SEL1L3: variants seen among roughly 807,000 people sequenced by gnomAD.
The protein encoded by SEL1L3 is protein sel-1 homolog 3.
Under a neutral mutation model 142.8 loss-of-function variants are expected in SEL1L3, and 76 were observed. The ratio of observed to expected loss-of-function variants is 0.53; its 90% confidence interval spans 0.44 to 0.64. The LOEUF is 0.64. Ranked by LOEUF, SEL1L3 falls within the 30% of genes least tolerant of loss-of-function variation. SEL1L3 has a pLI of 0.00. For missense variants in SEL1L3, 1,262 were observed against 1,381.7 expected, an observed-to-expected ratio of 0.91 and a Z score of 1.37; for synonymous variants, 504 against 519.6, an observed-to-expected ratio of 0.97 and a Z score of 0.41.
chr4:25,838,951 T>A (rs1428343277), intron 2 of SEL1L3, among the ~76,000 whole-genome samples: 1 of 152,210 alleles, frequency 6.6e-6, no homozygotes, highest in Admixed American at 6.5e-5. Context: ...CCAGATGTGC[T>A]TCGAACACAC....
intron 23 of SEL1L3, chr4:25,756,234 G>C (rs1465092755): frequency 5.1e-6 from 5 of 985,160 alleles, no homozygotes; most frequent in Non-Finnish European, 6.0e-6. Context: ...CCCTTTTGTA[G>C]CCGTCCGAGA....
Position 25,772,832 on chromosome 4 carries a change from C to T in SEL1L3, c.2669+3445G>A, listed in dbSNP as rs547395794. The stretch of plus-strand genomic sequence containing the variant: ...ATTTTTTTTGAAAGGGAGTCTTGCT[C>T]TGTTGCCCAGGCTGGAATGCAGTGG... On this transcript the variant is annotated intron_variant, in intron 17 of 23. Coordinates refer to ENST00000399878, the MANE Select transcript of SEL1L3 (RefSeq NM_015187.5). Among the ~76,000 whole-genome samples, 5 of 152,150 alleles carry T rather than the reference C, an allele frequency of 3.3e-5. No individual in the cohort carries two copies. In the South Asian group the frequency reaches 8.3e-4, roughly 25 times the overall value.
intron 11 of SEL1L3, among the ~76,000 whole-genome samples, chr4:25,795,334 T>C (rs1712655633): frequency 6.6e-6 from 1 of 152,218 alleles, no homozygotes; most frequent in South Asian, 2.1e-4. Flanking sequence ...AAAGTGTAAA[T>C]GGCTAATTGC....
chr4:25,836,052 T>G lies in SEL1L3; in HGVS notation c.734-729A>C, dbSNP rs190214810. ...AGAATCCATACTCTTAAAATTGCAG[T>G]TTTTTTTCTTCTGTGCAAACTTTCC... is the stretch of plus-strand genomic sequence containing the variant. On this transcript the variant is annotated intron_variant, in intron 2 of 23. Transcript: ENST00000399878. Among the ~76,000 whole-genome samples, 197 of 152,040 alleles carry G rather than the reference T, an allele frequency of 1.3e-3. 1 individual carries two copies. The highest frequency in any genetic ancestry group is 4.8e-3 in the Admixed American group (73 of 15,268).
chr4:25,758,362 T>C (rs1020191820), intron 21 of SEL1L3, among the ~76,000 whole-genome samples: 3 of 152,072 alleles, frequency 2.0e-5, no homozygotes, highest in African/African-American at 4.8e-5. Context: ...TCCCAGCTAC[T>C]TAGGAGGCTG....
intron 23 of SEL1L3, 77 bp downstream of exon 23, chr4:25,757,457 C>CAAA (rs879068722): frequency 8.1e-5 from 33 of 408,780 alleles, no homozygotes; most frequent in African/African-American, 2.0e-4. Context: ...TCCAGTAGAC[C>CAAA]AAAAAAAAAA....
At chr4:25,858,349 A>G (rs1157836487) in intron 1 of SEL1L3, among the ~76,000 whole-genome samples, 4 of 152,188 alleles carry the variant, frequency 2.6e-5, no homozygotes, top group African/African-American at 9.7e-5. Flanking sequence ...CCTCTCCCTC[A>G]AGCTAGATAA....
chr4:25,765,534 T>C (rs780926680), intron 19 of SEL1L3, 99 bp from the exon 20 acceptor site: 11 of 746,908 alleles, frequency 1.5e-5, no homozygotes, highest in Non-Finnish European at 2.6e-5. Flanking sequence ...TTTTTCCTAT[T>C]AGTATCTGAA....
chr4:25,748,436 G>T lies in SEL1L3; in HGVS notation c.3388C>A (p.Pro1130Thr). 1 of 1,609,742 alleles carries T rather than the reference G, an allele frequency of 6.2e-7. No homozygotes were observed. The highest frequency in any genetic ancestry group is 8.5e-7 in the Non-Finnish European group (1 of 1,178,280). ...DQPTVTNNPE[P>T]RG ...CTGGAGTGCACAGTTCACCCACGTG[G>T]CTCCGGGTTATTAGTTACTGTGGGC... is the stretch of plus-strand genomic sequence containing the variant. Residue 1130 changes from proline (P) to threonine (T), a missense_variant, in exon 24 of 24, where the codon CCA (proline) becomes ACA (threonine). Coordinates refer to ENST00000399878, the MANE Select transcript of SEL1L3 (RefSeq NM_015187.5).
At chr4:25,777,759 C>T (rs1219779453) in intron 16 of SEL1L3, 2 of 446,880 alleles carry the variant, frequency 4.5e-6, no homozygotes, top group Non-Finnish European at 8.9e-6. Flanking sequence ...AACTTCAAGT[C>T]AGTCTAAGTC....
At chr4:25,762,736 T>C (rs917590121) in intron 20 of SEL1L3, among the ~76,000 whole-genome samples, 2 of 152,156 alleles carry the variant, frequency 1.3e-5, no homozygotes, top group Non-Finnish European at 1.5e-5. Context: ...TCCCAGCACT[T>C]TGGGAGGCCA....
At chr4:25,846,994 C>G (rs1007274736) in intron 2 of SEL1L3, among the ~76,000 whole-genome samples, 1 of 150,616 alleles carries the variant, frequency 6.6e-6, no homozygotes, top group African/African-American at 2.4e-5. Context: ...ATCCTTGTTT[C>G]GGTGGCATGA....
At chr4:25,714,622 A>T in the SEL1L3 span, among the ~76,000 whole-genome samples, 11 of 140,492 alleles carry the variant, frequency 7.8e-5, no homozygotes, top group South Asian at 6.7e-4. Flanking sequence ...CCCAGGCTGG[A>T]GTGCAGTGGT....
At chr4:25,780,607 C>T (rs1432836487) in intron 15 of SEL1L3, among the ~76,000 whole-genome samples, 1 of 151,878 alleles carries the variant, frequency 6.6e-6, no homozygotes, top group East Asian at 1.9e-4. Context: ...CTGTAAGATT[C>T]CTTTAGGAGT....
Position 25,747,861 on chromosome 4 carries a change from T to C in SEL1L3, c.*564A>G, listed in dbSNP as rs2109104235. Reference sequence around the variant, plus strand: ...ATTCAAGGAGAAAAATGTAAACCAATTTACAAAGCTATTGCCCTCCCTGCA... The same window carrying C: ...ATTCAAGGAGAAAAATGTAAACCAACTTACAAAGCTATTGCCCTCCCTGCA... On this transcript the variant is annotated 3_prime_UTR_variant, in exon 24 of 24. Transcript: ENST00000399878. 6.5e-6 allele frequency: 1 copy of C among 152,806 alleles called. No homozygotes were observed. The highest frequency in any genetic ancestry group is 3.4e-3 in the Middle Eastern group (1 of 294). 9.5% of individuals were successfully genotyped at this position (152,806 alleles called of 1,614,324 possible). A position where few individuals can be genotyped will look rare whatever the true frequency, so the allele number is the denominator to read the frequency against.
chr4:25,795,840 C>A (rs778703855), intron 11 of SEL1L3, among the ~76,000 whole-genome samples: 2 of 151,936 alleles, frequency 1.3e-5, no homozygotes, highest in Non-Finnish European at 2.9e-5. Context: ...GCAGGAATGA[C>A]CTTTAAAAGG....
At position 25,748,418 on chromosome 4, in the gene SEL1L3, G is replaced by A. The variant is rs757840913; in HGVS notation, c.*7C>T. ...TCTCTCATCTGGAGAGAACTGGAGT[G>A]CACAGTTCACCCACGTGGCTCCGGG... On this transcript the variant is annotated 3_prime_UTR_variant, in exon 24 of 24. Transcript: ENST00000399878. 6 of 1,605,082 alleles carry A rather than the reference G, an allele frequency of 3.7e-6. No homozygotes were observed. The highest frequency in any genetic ancestry group is 3.4e-5 in the South Asian group (3 of 88,950).
chr4:25,726,723 T>A, the SEL1L3 span, among the ~76,000 whole-genome samples: 4 of 152,108 alleles, frequency 2.6e-5, no homozygotes, highest in Non-Finnish European at 5.9e-5. Flanking sequence ...GTGAAATTAT[T>A]ACAACAAGCC....
At chr4:25,817,281 C>T (rs931422492) in intron 9 of SEL1L3, among the ~76,000 whole-genome samples, 1 of 152,172 alleles carries the variant, frequency 6.6e-6, no homozygotes, top group Non-Finnish European at 1.5e-5. Flanking sequence ...GTTTCTGCAT[C>T]GCCTCAACTC....
Sources: allele counts gnomAD v4.1 joint callset (sites outside exome capture counted in the v4.1 genomes callset), GRCh38; gene constraint gnomAD v4.1.1; transcripts MANE v1.5; gene names NCBI Gene and HGNC (gene_info 2026-07-23, HGNC 2026-07-21).